Variants in DPYS observed in about 807,000 individuals in gnomAD.
DPYS encodes the protein dihydropyrimidine amidohydrolase.
A neutral mutation model predicts 50.3 loss-of-function variants in DPYS; 39 were observed. The observed-to-expected ratio is 0.78, with a 90% CI of 0.60 to 1.01. The LOEUF (loss-of-function observed/expected upper bound fraction) is 1.01, where lower values mean the gene tolerates loss of function less well. DPYS is among the 50% of genes least tolerant of loss of function. The pLI is 0.00. For synonymous variants in DPYS, 245 were observed against 250.7 expected (o/e 0.98, Z 0.22); for missense variants, 659 against 680.9 (o/e 0.97, Z 0.36).
At chr8:104,390,671 G>T (rs538380991) in intron 8 of DPYS, among the ~76,000 whole-genome samples, 2 of 151,844 alleles carry the variant, frequency 1.3e-5, no homozygotes, top group Non-Finnish European at 2.9e-5. Context: ...CTAATTTTTT[G>T]CATTTTTAGT....
At chr8:104,392,671 A>T in intron 8 of DPYS, 113 bp downstream of exon 8, 1 of 1,276,588 alleles carries the variant, frequency 7.8e-7, no homozygotes, top group Non-Finnish European at 1.1e-6. Flanking sequence ...CCCCAGGAAT[A>T]CATTAAACCA....
chr8:104,419,833 A>T (rs1812487155), intron 7 of DPYS: 1 of 152,196 alleles, frequency 6.6e-6, no homozygotes, highest in South Asian at 2.1e-4. Flanking sequence ...CCGGAAGGGA[A>T]AAAACAGGCA....
intron 8 of DPYS, among the ~76,000 whole-genome samples, chr8:104,383,382 T>C (rs549945294): frequency 4.3e-4 from 66 of 152,304 alleles, no homozygotes; most frequent in African/African-American, 1.5e-3. Context: ...TGTTCACTCG[T>C]CAGTCTCCCC....
At chr8:104,420,893 G>C (rs1168524887) in intron 7 of DPYS, 1 of 152,144 alleles carries the variant, frequency 6.6e-6, no homozygotes, top group Non-Finnish European at 1.5e-5. Flanking sequence ...TAGAGAAATA[G>C]AAAATAACCA....
intron 7 of DPYS, among the ~76,000 whole-genome samples, chr8:104,403,891 T>C (rs1811908694): frequency 6.6e-6 from 1 of 152,132 alleles, no homozygotes; most frequent in Admixed American, 6.5e-5. Flanking sequence ...GAACTTCAAG[T>C]TCTGCAATCC....
intron 7 of DPYS, among the ~76,000 whole-genome samples, chr8:104,407,272 A>G (rs1812028002): frequency 6.6e-6 from 1 of 152,256 alleles, no homozygotes; most frequent in Non-Finnish European, 1.5e-5. Flanking sequence ...TAACCACTGT[A>G]TAGTGTCTCT....
At chr8:104,389,426 T>C (rs1363056718) in intron 8 of DPYS, among the ~76,000 whole-genome samples, 1 of 152,220 alleles carries the variant, frequency 6.6e-6, no homozygotes, top group East Asian at 1.9e-4. Flanking sequence ...CTCCAGACAG[T>C]TCCCAAACCT....
At chr8:104,445,758 C>G (rs1298494930) in intron 3 of DPYS, among the ~76,000 whole-genome samples, 1 of 151,988 alleles carries the variant, frequency 6.6e-6, no homozygotes, top group African/African-American at 2.4e-5. Flanking sequence ...AATAATTGCA[C>G]CTTTTGGCCG....
chr8:104,408,930 C>T (rs557182913), intron 7 of DPYS, among the ~76,000 whole-genome samples: 87 of 151,796 alleles, frequency 5.7e-4, no homozygotes, highest in Admixed American at 1.3e-3. Context: ...TCTCCTGCCT[C>T]AGCCTCCCAG....
chr8:104,444,515 A>C, intron 3 of DPYS, 78 bp from the exon 4 acceptor site: 1 of 1,518,866 alleles, frequency 6.6e-7, no homozygotes, highest in Non-Finnish European at 9.0e-7. Flanking sequence ...TCATAAATTA[A>C]ATGCAATGCC....
At chr8:104,435,376 G>A (rs945249541) in intron 4 of DPYS, among the ~76,000 whole-genome samples, 1 of 151,996 alleles carries the variant, frequency 6.6e-6, no homozygotes, top group Admixed American at 6.6e-5. Flanking sequence ...AAAGGATAAC[G>A]CTTTAGGGAG....
At chr8:104,459,576 C>T (rs1814050001) in intron 1 of DPYS, among the ~76,000 whole-genome samples, 1 of 152,204 alleles carries the variant, frequency 6.6e-6, no homozygotes, top group South Asian at 2.1e-4. Context: ...GCAGTTGAGA[C>T]TCTAGAATAT....
chr8:104,421,787 C>A (rs543107213), intron 7 of DPYS, among the ~76,000 whole-genome samples: 137 of 150,638 alleles, frequency 9.1e-4, no homozygotes, highest in Non-Finnish European at 1.8e-3. Flanking sequence ...ATATATAGAT[C>A]TTTTAAAAAA....
chr8:104,380,595 A>G (rs1395515169), intron 9 of DPYS: 1 of 154,054 alleles, frequency 6.5e-6, no homozygotes, highest in African/African-American at 2.4e-5. Flanking sequence ...CACTTCAGAA[A>G]AGAAAGATCT....
At chr8:104,414,423 A>G (rs1812299555) in intron 7 of DPYS, among the ~76,000 whole-genome samples, 1 of 152,134 alleles carries the variant, frequency 6.6e-6, no homozygotes, top group Admixed American at 6.5e-5. Flanking sequence ...AGGGTCTGAG[A>G]GTTGGCATTT....
At chr8:104,452,668 C>A (rs1416464757) in intron 1 of DPYS, among the ~76,000 whole-genome samples, 1 of 152,076 alleles carries the variant, frequency 6.6e-6, no homozygotes, top group Non-Finnish European at 1.5e-5. Flanking sequence ...ATGGTGAAAA[C>A]CCCGTCTCTA....
intron 7 of DPYS, among the ~76,000 whole-genome samples, chr8:104,408,437 A>C (rs575576307): frequency 1.9e-4 from 29 of 152,376 alleles, no homozygotes; most frequent in Admixed American, 5.2e-4. Context: ...AACATGAAAA[A>C]GTGTTCAATT....
chr8:104,401,288 GTATTATTATTATTATTATTAT>G (rs34804847), intron 7 of DPYS, among the ~76,000 whole-genome samples: 5 of 143,050 alleles, frequency 3.5e-5, no homozygotes, highest in Non-Finnish European at 7.6e-5. Flanking sequence ...TATGAGGTAG[GTATTATTATTATTATTATTAT>G]TATTATTATT....
intron 7 of DPYS, among the ~76,000 whole-genome samples, chr8:104,399,320 A>C (rs1038544852): frequency 4.6e-5 from 7 of 150,726 alleles, no homozygotes; most frequent in East Asian, 2.0e-4. Context: ...ACAACAACAA[A>C]AAAAAACCAA....
Sources: allele counts gnomAD v4.1 joint callset (sites outside exome capture counted in the v4.1 genomes callset), GRCh38; gene constraint gnomAD v4.1.1; transcripts MANE v1.5; gene names NCBI Gene and HGNC (gene_info 2026-07-23, HGNC 2026-07-21).